EMC1: variants seen among roughly 807,000 people sequenced by gnomAD.
The protein encoded by EMC1 is ER membrane protein complex subunit 1.
Under a neutral mutation model 128.8 loss-of-function variants are expected in EMC1, and 103 were observed. That is an observed-to-expected ratio of 0.80 (90% CI 0.68 to 0.94). The LOEUF (loss-of-function observed/expected upper bound fraction) is 0.94. Ranked by LOEUF, EMC1 falls within the 40% of genes least tolerant of loss-of-function variation. EMC1 has a pLI of 0.00. For synonymous variants in EMC1, 442 were observed against 490.4 expected (o/e 0.90, Z 1.30); for missense variants, 1,083 against 1,250.6 (o/e 0.87, Z 2.02).
chr1:19,226,311 T>C (rs1476575744), intron 18 of EMC1, among the ~76,000 whole-genome samples: 3 of 152,116 alleles, frequency 2.0e-5, no homozygotes, highest in Non-Finnish European at 4.4e-5. Flanking sequence ...GCTCTATCAG[T>C]ACTACCACTA....
At chr1:19,242,313 G>C in intron 5 of EMC1, 32 bp downstream of exon 5, 1 of 1,613,664 alleles carries the variant, frequency 6.2e-7, no homozygotes, top group Non-Finnish European at 8.5e-7. Flanking sequence ...AGTAGAACGA[G>C]GCAGCTATTG....
chr1:19,227,080 C>T (rs984532211), intron 18 of EMC1, among the ~76,000 whole-genome samples: 4 of 152,114 alleles, frequency 2.6e-5, no homozygotes, highest in African/African-American at 9.7e-5. Flanking sequence ...ACATCTGTTG[C>T]TTACTTACCA....
At chr1:19,227,205 T>C in intron 18 of EMC1, 108 bp downstream of exon 18, 1 of 1,229,964 alleles carries the variant, frequency 8.1e-7, no homozygotes, top group Admixed American at 2.2e-5. Context: ...AGGGATTAAA[T>C]GACTTACTCA....
At position 19,218,712 on chromosome 1, in the gene EMC1, A is replaced by ATC. The variant is rs1490882028; in HGVS notation, c.*589_*590dup. ...CTAGAGGTTTAAAGTAAGTTTTGACATCACATATAGATCCCTCAACCCTAA... is the reference window on the plus strand; with the variant it reads ...CTAGAGGTTTAAAGTAAGTTTTGACATCTCACATATAGATCCCTCAACCCTAA... On this transcript the variant is annotated 3_prime_UTR_variant, in exon 23 of 23. Coordinates refer to ENST00000477853, the MANE Select transcript of EMC1 (RefSeq NM_015047.3). 3 of 152,404 alleles carry ATC rather than the reference A, an allele frequency of 2.0e-5. No individual in the cohort carries two copies. The highest frequency in any genetic ancestry group is 2.9e-5 in the Non-Finnish European group (2 of 68,206). The allele number at this position is 152,404 out of a possible 1,614,324, so 9.4% of individuals were successfully genotyped here. A position where few individuals can be genotyped will look rare whatever the true frequency, so the allele number is the denominator to read the frequency against.
At chr1:19,244,764 A>T (rs1287029088) in intron 2 of EMC1, 142 bp downstream of exon 2, 4 of 790,862 alleles carry the variant, frequency 5.1e-6, no homozygotes, top group Non-Finnish European at 7.3e-6. Context: ...GTAAGACTGA[A>T]AAAAAAAAAG....
chr1:19,236,921 T>C (rs1226900353), intron 12 of EMC1, among the ~76,000 whole-genome samples: 1 of 131,322 alleles, frequency 7.6e-6, no homozygotes, highest in Non-Finnish European at 1.5e-5. Flanking sequence ...TGGGCCGAGA[T>C]CATGCCACTG....
intron 15 of EMC1, among the ~76,000 whole-genome samples, chr1:19,232,419 G>T (rs1298882006): frequency 6.6e-6 from 1 of 152,182 alleles, no homozygotes; most frequent in Non-Finnish European, 1.5e-5. Flanking sequence ...TACATAGCTG[G>T]TGAAGTCACA....
At chr1:19,245,695 G>A (rs1249658370) in intron 1 of EMC1, among the ~76,000 whole-genome samples, 2 of 143,182 alleles carry the variant, frequency 1.4e-5, no homozygotes, top group African/African-American at 5.3e-5. Context: ...TGCAATCTCA[G>A]CTCACTGCAA....
At position 19,239,900 on chromosome 1, in the gene EMC1, A is replaced by C. The variant is rs1400599092; in HGVS notation, c.872T>G (p.Phe291Cys). ...PNPVDASRAQ[F>C]FLHLSPSHYA... The stretch of plus-strand genomic sequence containing the variant: ...GTGGCTTGGGGACAAGTGCAGGAAG[A>C]ACTGGGCCCGGGAAGCGTCCACTGG... Residue 291 changes from phenylalanine to cysteine, a missense_variant, in exon 8 of 23, where the codon TTC (phenylalanine) becomes TGC (cysteine). Phe to Cys is a radical substitution (Grantham distance 205, BLOSUM62 -2). Transcript: ENST00000477853. 1 of 1,614,032 alleles carries C rather than the reference A, an allele frequency of 6.2e-7. No individual in the cohort carries two copies. The highest frequency in any genetic ancestry group is 1.3e-5 in the African/African-American group (1 of 74,920).
chr1:19,224,224 AC>A (rs970843840), intron 18 of EMC1, among the ~76,000 whole-genome samples: 1 of 152,172 alleles, frequency 6.6e-6, no homozygotes, highest in East Asian at 1.9e-4. Context: ...CGTCACACTT[AC>A]CCTCGTGGTG....
chr1:19,233,630 C>T (rs905976965), intron 13 of EMC1, among the ~76,000 whole-genome samples: 18 of 152,294 alleles, frequency 1.2e-4, no homozygotes, highest in African/African-American at 2.6e-4. Flanking sequence ...GTACTTGCAA[C>T]GAGTTCCCAG....
intron 21 of EMC1, 161 bp from the exon 22 acceptor site, chr1:19,219,859 T>G (rs2093418050): frequency 1.5e-6 from 1 of 670,050 alleles, no homozygotes; most frequent in East Asian, 2.7e-5. Flanking sequence ...CAGCTGAATG[T>G]TAGGAAGGAC....
chr1:19,222,524 T>A (rs2151937859), intron 20 of EMC1, 100 bp downstream of exon 20: 1 of 1,020,066 alleles, frequency 9.8e-7, no homozygotes, highest in East Asian at 2.6e-5. Context: ...CCCTTACAGG[T>A]GGTTCAACAA....
At chr1:19,236,967 C>CAAAAA (rs35897979) in intron 12 of EMC1, among the ~76,000 whole-genome samples, 175 bp downstream of exon 12, 5 of 58,384 alleles carry the variant, frequency 8.6e-5, no homozygotes, top group Non-Finnish European at 1.3e-4. Flanking sequence ...GACTCTATCT[C>CAAAAA]AAAAAAAAAA....
chr1:19,237,302 C>A, intron 11 of EMC1, 64 bp from the exon 12 acceptor site: 1 of 1,139,974 alleles, frequency 8.8e-7, no homozygotes, highest in Non-Finnish European at 1.3e-6. Context: ...GAGCACCAGA[C>A]CCCAGGAGTC....
At chr1:19,241,699 T>C (rs373330380) in intron 5 of EMC1, among the ~76,000 whole-genome samples, 3 of 152,026 alleles carry the variant, frequency 2.0e-5, no homozygotes, top group South Asian at 2.1e-4. Context: ...GTACTTTTTG[T>C]AGAGATGGGG....
chr1:19,246,894 A>C (rs2093634268), intron 1 of EMC1, among the ~76,000 whole-genome samples: 1 of 152,370 alleles, frequency 6.6e-6, no homozygotes, highest in Middle Eastern at 3.4e-3. Context: ...CCAGTGTTAC[A>C]GTATTTGACG....
rs2151935362 is a variant in EMC1, at chr1:19,220,770, T to G, written c.2666A>C (p.Gln889Pro). The change falls in exon 21 of 23, where the codon CAA becomes CCA. Residue 889 changes from glutamine (Q) to proline (P), a missense_variant. Physicochemically the swap from Gln to Pro is moderately conservative, Grantham distance 76. This residue lies in a region of EMC1 where 527 missense variants were observed against 644.1 expected (regional missense o/e 0.82). Transcript: ENST00000477853. ...DPRRPEIPTE[Q>P]SREENLIPYS... Reference sequence around the variant, plus strand: ...CTGCCCATGAGGGTCTCACCTGCTTTGTTCTGTTGGGATCTCGGGGCGGCG... The same window carrying G: ...CTGCCCATGAGGGTCTCACCTGCTTGGTTCTGTTGGGATCTCGGGGCGGCG... 1 of 1,613,120 alleles carries G rather than the reference T, an allele frequency of 6.2e-7. No individual in the cohort carries two copies. Among genetic ancestry groups the G allele is most frequent in the South Asian group, 1.1e-5 (1 of 90,958 alleles).
intron 2 of EMC1, 48 bp from the exon 3 acceptor site, chr1:19,244,063 C>A (rs1322981547): frequency 6.4e-7 from 1 of 1,563,804 alleles, no homozygotes; most frequent in Admixed American, 1.7e-5. Context: ...AGGTGGCAAC[C>A]CAGAAGACTA....
Sources: allele counts gnomAD v4.1 joint callset (sites outside exome capture counted in the v4.1 genomes callset), GRCh38; gene constraint gnomAD v4.1.1; regional missense constraint gnomAD v4.1.1; transcripts MANE v1.5; gene names NCBI Gene and HGNC (gene_info 2026-07-23, HGNC 2026-07-21).